Variants in TENM3 observed in about 807,000 individuals in gnomAD.
TENM3 encodes teneurin transmembrane protein 3.
Under a neutral mutation model 255.1 loss-of-function variants are expected in TENM3, and 63 were observed. That is an observed-to-expected ratio of 0.25 (90% CI 0.20 to 0.30). The LOEUF is 0.30. TENM3 is among the 10% of genes least tolerant of loss of function. The pLI, the probability that TENM3 is intolerant of heterozygous loss-of-function variation, is 1.00. For synonymous variants in TENM3, 1,306 were observed against 1,322.3 expected, an observed-to-expected ratio of 0.99 and a Z score of 0.27; for missense variants, 2,929 against 3,461.1, an observed-to-expected ratio of 0.85 and a Z score of 3.86.
the TENM3 span, among the ~76,000 whole-genome samples, chr4:182,102,421 A>T: frequency 6.6e-6 from 1 of 152,300 alleles, no homozygotes; most frequent in Non-Finnish European, 1.5e-5. Flanking sequence ...CCATTAAGTG[A>T]TCAATTACTG....
At chr4:182,545,124 G>A (rs1051468969) in intron 3 of TENM3, among the ~76,000 whole-genome samples, 1 of 152,152 alleles carries the variant, frequency 6.6e-6, no homozygotes, top group Non-Finnish European at 1.5e-5. Context: ...TAGTCAAGGT[G>A]ATTTCTAAGA....
chr4:181,589,369 A>G, the TENM3 span, among the ~76,000 whole-genome samples: 2 of 152,176 alleles, frequency 1.3e-5, no homozygotes, highest in Non-Finnish European at 2.9e-5. Context: ...TATATCCCTT[A>G]TGCTATGTTT....
intron 1 of TENM3, among the ~76,000 whole-genome samples, chr4:182,178,740 C>T (rs1224636101): frequency 2.6e-5 from 4 of 152,178 alleles, no homozygotes; most frequent in African/African-American, 9.7e-5. Context: ...TTTGAAGCTT[C>T]TAACTTTCTC....
the TENM3 span, among the ~76,000 whole-genome samples, chr4:181,635,245 A>G: frequency 6.6e-6 from 1 of 152,200 alleles, no homozygotes; most frequent in Non-Finnish European, 1.5e-5. Context: ...CATAATTAAT[A>G]TTGCACCTTA....
chr4:181,791,930 A>C, the TENM3 span, among the ~76,000 whole-genome samples: 1 of 152,210 alleles, frequency 6.6e-6, no homozygotes, highest in Non-Finnish European at 1.5e-5. Context: ...AAATTAAGGC[A>C]TGTGTCCTCC....
intron 3 of TENM3, among the ~76,000 whole-genome samples, chr4:182,590,141 C>G (rs13107343): frequency 0.34 from 50,980 of 151,814 alleles, 9,921 homozygotes; most frequent in East Asian, 0.5. Context: ...CCAGGGAGGC[C>G]CAGGCTAGTG....
At chr4:182,615,046 CAT>C (rs10570169) in intron 4 of TENM3, among the ~76,000 whole-genome samples, 27,415 of 111,896 alleles carry the variant, frequency 0.25, 3,192 homozygotes, top group South Asian at 0.37. Flanking sequence ...AAAAAAAATA[CAT>C]ATATATATAT....
chr4:181,501,338 T>C, the TENM3 span, among the ~76,000 whole-genome samples: 26,151 of 151,806 alleles, frequency 0.17, 2,535 homozygotes, highest in Non-Finnish European at 0.22. Flanking sequence ...CTCTTAATGA[T>C]AGTGAGGGAA....
chr4:181,865,061 A>G, the TENM3 span, among the ~76,000 whole-genome samples: 2 of 152,196 alleles, frequency 1.3e-5, no homozygotes, highest in Non-Finnish European at 2.9e-5. Flanking sequence ...TTCCAGTTAC[A>G]CTATTCAAAT....
chr4:182,680,331 G>T lies in TENM3; in HGVS notation c.1621G>T (p.Gly541Cys). Residue 541 changes from glycine (G) to cysteine (C), a missense_variant, in exon 9 of 28, where the codon GGT becomes TGT. This residue lies in a region of TENM3 where 1,608 missense variants were observed against 1,884.4 expected (regional missense o/e 0.85). Coordinates refer to ENST00000511685, the MANE Select transcript of TENM3 (RefSeq NM_001080477.4). Reference protein sequence around the residue: ...GTCHCFPGFLGPDCSRAACPV... With the variant: ...GTCHCFPGFLCPDCSRAACPV... ...TTGCCATTGTTTTCCAGGATTTCTG[G>T]GTCCGGATTGTTCAAGAGGTATGCA... is the stretch of plus-strand genomic sequence containing the variant. 6.2e-7 allele frequency: 1 copy of T among 1,612,956 alleles called. No individual in the cohort carries two copies. Among genetic ancestry groups the T allele is most frequent in the Non-Finnish European group, 8.5e-7 (1 of 1,179,234 alleles).
chr4:182,801,598 G>A lies in TENM3; in HGVS notation c.*1247G>A, dbSNP rs1490790526. ...ATCAGATGCTGGGGAAATAGGAGGA[G>A]GAAAGGTTCTGATGTAGTCGTGATC... is the stretch of plus-strand genomic sequence containing the variant. On this transcript the variant is annotated 3_prime_UTR_variant, in exon 28 of 28. Coordinates refer to ENST00000511685, the MANE Select transcript of TENM3 (RefSeq NM_001080477.4). The A allele has an allele frequency of 2.0e-5, 3 of 152,224 alleles. No homozygotes were observed. Among genetic ancestry groups the A allele is most frequent in the African/African-American group, 7.2e-5 (3 of 41,444 alleles). 9.4% of individuals were successfully genotyped at this position (152,224 alleles called of 1,614,324 possible). A position where few individuals can be genotyped will look rare whatever the true frequency, so the allele number is the denominator to read the frequency against.
chr4:181,684,918 CTTTTTTTTT>C, the TENM3 span, among the ~76,000 whole-genome samples: 1 of 45,046 alleles, frequency 2.2e-5, no homozygotes. Context: ...CCGTGCCTGG[CTTTTTTTTT>C]TTTTTTTTTT....
At chr4:182,305,801 G>A (rs955977037) in intron 1 of TENM3, among the ~76,000 whole-genome samples, 3 of 152,218 alleles carry the variant, frequency 2.0e-5, no homozygotes, top group African/African-American at 7.2e-5. Flanking sequence ...TTGATGCGTG[G>A]TGCTTACTTC....
intron 3 of TENM3, among the ~76,000 whole-genome samples, chr4:182,581,385 A>G (rs1047018888): frequency 5.9e-5 from 9 of 152,226 alleles, no homozygotes; most frequent in African/African-American, 1.2e-4. Context: ...AGCTGAGCCT[A>G]TGGGACTGTA....
the TENM3 span, among the ~76,000 whole-genome samples, chr4:182,086,471 CT>C: frequency 6.6e-6 from 1 of 152,148 alleles, no homozygotes; most frequent in Non-Finnish European, 1.5e-5. Context: ...TGTGCAGACA[CT>C]TTAATATTAG....
the TENM3 span, among the ~76,000 whole-genome samples, chr4:181,454,328 G>A: frequency 6.6e-6 from 1 of 152,108 alleles, no homozygotes; most frequent in Non-Finnish European, 1.5e-5. Flanking sequence ...CGATGTTTCA[G>A]TCAACAGTGG....
At chr4:182,275,696 G>A (rs1425338876) in intron 1 of TENM3, among the ~76,000 whole-genome samples, 1 of 152,114 alleles carries the variant, frequency 6.6e-6, no homozygotes, top group Non-Finnish European at 1.5e-5. Context: ...CAGTGCTTTG[G>A]GAGGCCAAGG....
the TENM3 span, among the ~76,000 whole-genome samples, chr4:181,804,163 G>A: frequency 6.7e-6 from 1 of 149,418 alleles, no homozygotes; most frequent in Admixed American, 6.7e-5. Context: ...AGGAAGGAAG[G>A]AAAGAAGGAA....
At chr4:182,335,496 A>G (rs867182094) in intron 2 of TENM3, among the ~76,000 whole-genome samples, 15 of 120,232 alleles carry the variant, frequency 1.2e-4, no homozygotes, top group African/African-American at 4.5e-4. Context: ...CTCCGCCTCA[A>G]AAAAAAAAAA....
Sources: allele counts gnomAD v4.1 joint callset (sites outside exome capture counted in the v4.1 genomes callset), GRCh38; gene constraint gnomAD v4.1.1; regional missense constraint gnomAD v4.1.1; transcripts MANE v1.5; gene names NCBI Gene and HGNC (gene_info 2026-07-23, HGNC 2026-07-21).